RAPGEF6: variants seen among roughly 807,000 people sequenced by gnomAD.
RAPGEF6 encodes PDZ domain containing guanine nucleotide exchange factor (GEF) 2.
A neutral mutation model predicts 171.4 loss-of-function variants in RAPGEF6; 56 were observed. The observed-to-expected ratio is 0.33, with a 90% CI of 0.26 to 0.41. The LOEUF is 0.41. RAPGEF6 is among the 10% of genes least tolerant of loss of function. The pLI is 1.00. For synonymous variants in RAPGEF6, 692 were observed against 650.1 expected, an observed-to-expected ratio of 1.06 and a Z score of -0.98; for missense variants, 1,674 against 1,921.4, an observed-to-expected ratio of 0.87 and a Z score of 2.41.
At chr5:131,603,350 A>AT (rs775275208) in intron 2 of RAPGEF6, 23 bp from the exon 3 acceptor site, 1 of 1,424,340 alleles carries the variant, frequency 7.0e-7, no homozygotes, top group South Asian at 1.4e-5. Context: ...AAAATTGAAG[A>AT]TTTTATCTTA....
At chr5:131,586,258 G>C (rs1481372232) in intron 4 of RAPGEF6, among the ~76,000 whole-genome samples, 1 of 152,060 alleles carries the variant, frequency 6.6e-6, no homozygotes, top group African/African-American at 2.4e-5. Flanking sequence ...AACCAAGCAA[G>C]GTTTCTTATT....
intron 6 of RAPGEF6, among the ~76,000 whole-genome samples, chr5:131,525,577 A>C (rs1018576112): frequency 6.6e-6 from 1 of 152,172 alleles, no homozygotes; most frequent in African/African-American, 2.4e-5. Context: ...TAACAAAGTC[A>C]TAATTGCTTA....
chr5:131,610,238 C>A (rs1372859604), intron 1 of RAPGEF6, among the ~76,000 whole-genome samples: 1 of 152,262 alleles, frequency 6.6e-6, no homozygotes, highest in South Asian at 2.1e-4. Flanking sequence ...TTGTACTTCC[C>A]ATTCCTACAG....
intron 6 of RAPGEF6, among the ~76,000 whole-genome samples, chr5:131,528,898 C>T (rs1225515301): frequency 6.6e-6 from 1 of 152,062 alleles, no homozygotes; most frequent in Admixed American, 6.6e-5. Flanking sequence ...CAGATAGGTA[C>T]AGTAAGATAA....
At chr5:131,548,357 T>C (rs1054749173) in intron 5 of RAPGEF6, among the ~76,000 whole-genome samples, 167 bp from the exon 6 acceptor site, 1 of 152,066 alleles carries the variant, frequency 6.6e-6, no homozygotes, top group African/African-American at 2.4e-5. Context: ...AGATTAGAGG[T>C]GATGTTATTA....
At chr5:131,448,082 T>C (rs569597212) in intron 21 of RAPGEF6, among the ~76,000 whole-genome samples, 72 of 152,286 alleles carry the variant, frequency 4.7e-4, no homozygotes, top group African/African-American at 1.6e-3. Flanking sequence ...TTTCCAAAGC[T>C]AGCCTGAGAG....
chr5:131,562,418 C>A (rs1023663359), intron 4 of RAPGEF6, among the ~76,000 whole-genome samples: 3 of 152,076 alleles, frequency 2.0e-5, no homozygotes, highest in Admixed American at 6.6e-5. Context: ...CCTGATTAGG[C>A]AATTTAATAA....
At chr5:131,626,942 G>A (rs1406038252) in intron 1 of RAPGEF6, among the ~76,000 whole-genome samples, 3 of 152,292 alleles carry the variant, frequency 2.0e-5, no homozygotes, top group African/African-American at 7.2e-5. Context: ...CTGAGCAAGA[G>A]TAGAACATAA....
At chr5:131,536,194 A>T (rs1032412839) in intron 6 of RAPGEF6, among the ~76,000 whole-genome samples, 1 of 152,224 alleles carries the variant, frequency 6.6e-6, no homozygotes, top group Non-Finnish European at 1.5e-5. Flanking sequence ...ACTGATTTAC[A>T]TAGTGAAAAC....
At chr5:131,504,229 C>T (rs1308550023) in intron 11 of RAPGEF6, among the ~76,000 whole-genome samples, 3 of 151,960 alleles carry the variant, frequency 2.0e-5, no homozygotes, top group Non-Finnish European at 4.4e-5. Flanking sequence ...TTTGGGAGGC[C>T]GAGGTGGGAG....
intron 7 of RAPGEF6, among the ~76,000 whole-genome samples, chr5:131,518,597 T>C (rs1353437945): frequency 6.6e-6 from 1 of 152,064 alleles, no homozygotes; most frequent in Non-Finnish European, 1.5e-5. Flanking sequence ...GGTTTCTCCA[T>C]GTTGATCAGG....
In RAPGEF6 at chr5:131,453,045, A is replaced by T. The variant is rs745402495; in HGVS notation, c.3200+9T>A. 1 of 1,606,520 alleles carries T rather than the reference A, an allele frequency of 6.2e-7. No homozygotes were observed. ...CACTCTAACACTTTTACATATTTCA[A>T]TGTCCTACCTCTGTCGAAACATCAT... On this transcript the variant is annotated intron_variant, in intron 21 of 27. Coordinates refer to ENST00000509018, the MANE Select transcript of RAPGEF6 (RefSeq NM_016340.6).
chr5:131,509,336 G>C (rs1757567542), intron 8 of RAPGEF6, among the ~76,000 whole-genome samples: 1 of 152,134 alleles, frequency 6.6e-6, no homozygotes, highest in Non-Finnish European at 1.5e-5. Context: ...AAGGTCAGGA[G>C]ATCGAGACCA....
At chr5:131,508,246 G>A (rs1757493225) in intron 8 of RAPGEF6, 39 bp from the exon 9 acceptor site, 1 of 1,523,166 alleles carries the variant, frequency 6.6e-7, no homozygotes, top group Non-Finnish European at 8.8e-7. Flanking sequence ...AGACCATCGA[G>A]GACTATACCT....
rs111922201 is a variant in RAPGEF6 at position 131,600,308 on chromosome 5, G to A, written c.197+2963C>T. ...AGGCCGAGGCAGGCAGATCACCTGA[G>A]GTCACGAGTTCAAGACCAGCCTGGC... On this transcript the variant is annotated intron_variant, in intron 3 of 27. Coordinates refer to ENST00000509018, the MANE Select transcript of RAPGEF6 (RefSeq NM_016340.6). 4.5e-3 allele frequency among the ~76,000 whole-genome samples: 691 copies of A among 152,244 alleles called. 6 individuals are homozygous for A. The highest frequency in any genetic ancestry group is 0.016 in the African/African-American group (651 of 41,542).
At chr5:131,539,401 G>C (rs977088386) in intron 6 of RAPGEF6, among the ~76,000 whole-genome samples, 1 of 152,154 alleles carries the variant, frequency 6.6e-6, no homozygotes, top group African/African-American at 2.4e-5. Context: ...TCCAACAATA[G>C]TGCTTACACC....
chr5:131,436,363 T>A lies in RAPGEF6; in HGVS notation c.3746-2705A>T, dbSNP rs552376542. The stretch of plus-strand genomic sequence containing the variant: ...CTGGCCACTGATCTTGCTGCTGTGA[T>A]CAGATATGATACTGCCAACTGGAGG... On this transcript the variant is annotated intron_variant, in intron 24 of 27. Transcript: ENST00000509018. 7 of 1,537,640 alleles carry A rather than the reference T, an allele frequency of 4.6e-6. No homozygotes were observed. In the South Asian group the frequency reaches 8.3e-5, roughly 18 times the overall value.
intron 15 of RAPGEF6, among the ~76,000 whole-genome samples, chr5:131,484,479 C>T (rs771324364): frequency 1.1e-4 from 17 of 151,992 alleles, no homozygotes; most frequent in Admixed American, 3.3e-4. Context: ...CCTCCCAAAG[C>T]GCTGGGATTA....
intron 6 of RAPGEF6, among the ~76,000 whole-genome samples, chr5:131,546,351 A>G (rs1322785602): frequency 6.6e-6 from 1 of 152,208 alleles, no homozygotes; most frequent in Admixed American, 6.5e-5. Flanking sequence ...CATGCCTGTA[A>G]TCCCAGCACT....
Sources: allele counts gnomAD v4.1 joint callset (sites outside exome capture counted in the v4.1 genomes callset), GRCh38; gene constraint gnomAD v4.1.1; transcripts MANE v1.5; gene names NCBI Gene and HGNC (gene_info 2026-07-23, HGNC 2026-07-21).